Variants in CLCNKA observed in about 807,000 individuals in gnomAD.
The protein encoded by CLCNKA is chloride voltage-gated channel Ka, also known as chloride channel protein ClC-Ka.
Under a neutral mutation model 83.3 loss-of-function variants are expected in CLCNKA, and 66 were observed. The observed-to-expected ratio is 0.79, with a 90% CI of 0.65 to 0.97. The LOEUF (loss-of-function observed/expected upper bound fraction) is 0.97, where lower values mean the gene tolerates loss of function less well. Ranked by LOEUF, CLCNKA falls within the 50% of genes least tolerant of loss-of-function variation. The pLI is 0.00. For synonymous variants in CLCNKA, 357 were observed against 370.4 expected, an observed-to-expected ratio of 0.96 and a Z score of 0.42; for missense variants, 806 against 888.7, an observed-to-expected ratio of 0.91 and a Z score of 1.18.
At chr1:16,026,282 G>T in intron 5 of CLCNKA, 35 bp downstream of exon 5, 1 of 940,258 alleles carries the variant, frequency 1.1e-6, no homozygotes, top group East Asian at 4.9e-5. Flanking sequence ...CAGCCACCCC[G>T]CCCACCCTAC....
chr1:16,030,805 C>A, intron 15 of CLCNKA, 131 bp downstream of exon 15: 2 of 1,285,812 alleles, frequency 1.6e-6, no homozygotes, highest in Admixed American at 1.9e-5. Context: ...GGGGCTGACA[C>A]ACAGCTGTGC....
chr1:16,028,892 T>A, intron 11 of CLCNKA, 47 bp downstream of exon 11: 1 of 1,598,894 alleles, frequency 6.3e-7, no homozygotes, highest in Non-Finnish European at 8.6e-7. Context: ...CCCCCATTTG[T>A]TTTCCCCTTT....
chr1:16,033,137 C>T, intron 18 of CLCNKA, 33 bp from the exon 19 acceptor site: 2 of 1,608,806 alleles, frequency 1.2e-6, no homozygotes, highest in Non-Finnish European at 1.7e-6. Flanking sequence ...GCGCCATCTA[C>T]CCTCCAGTGT....
In CLCNKA at chr1:16,022,733, C is replaced by A. The variant is rs2022186401; in HGVS notation, c.100+14C>A. The A allele has an allele frequency of 6.6e-7, 1 of 1,506,788 alleles. No homozygotes were observed. The highest frequency in any genetic ancestry group is 8.9e-7 in the Non-Finnish European group (1 of 1,120,784). The allele number at this position is 1,506,788 out of a possible 1,614,324, so 93.3% of individuals were successfully genotyped here. A position where few individuals can be genotyped will look rare whatever the true frequency, so the allele number is the denominator to read the frequency against. ...GAGCCATCCAAGGTGAGAGCCAGGT[C>A]CTCTTCCCTACCCGCGGGGGACCAC... On this transcript the variant is annotated intron_variant, in intron 2 of 19. Coordinates refer to ENST00000331433, the MANE Select transcript of CLCNKA (RefSeq NM_004070.4).
chr1:16,029,062 G>A (rs1309605331), intron 11 of CLCNKA, 64 bp from the exon 12 acceptor site: 1 of 1,583,794 alleles, frequency 6.3e-7, no homozygotes, highest in East Asian at 2.2e-5. Flanking sequence ...GGCGGTGCGG[G>A]GGAGGCTGGG....
chr1:16,025,370 G>A (rs919742162), intron 4 of CLCNKA, among the ~76,000 whole-genome samples: 3 of 152,174 alleles, frequency 2.0e-5, no homozygotes, highest in Non-Finnish European at 4.4e-5. Flanking sequence ...AACCTCTGAG[G>A]GTTCTGCGTG....
intron 14 of CLCNKA, 56 bp from the exon 15 acceptor site, chr1:16,030,405 T>A: frequency 6.2e-7 from 1 of 1,600,284 alleles, no homozygotes; most frequent in East Asian, 2.2e-5. Context: ...TTCCCTCACA[T>A]CAGGCTGGCC....
intron 9 of CLCNKA, 56 bp from the exon 10 acceptor site, chr1:16,027,962 A>G (rs2022435974): frequency 3.1e-6 from 5 of 1,613,634 alleles, no homozygotes; most frequent in Non-Finnish European, 4.2e-6. Context: ...CAAGGCCTGG[A>G]CTGCGGCCCC....
Position 16,026,241 on chromosome 1 carries a change from C to T in CLCNKA, c.492C>T (p.Gly164=). The change falls in exon 5 of 20, where the codon GGC becomes GGT. Residue 164 remains glycine (G), a synonymous_variant. Coordinates refer to ENST00000331433, the MANE Select transcript of CLCNKA (RefSeq NM_004070.4). ...CCACCGGCAGCACCCTGTTCCTGGG[C>T]AAAGTGGTATGGTCAGGTGTGAGGG... ...TLATGSTLFL[G]KVGPFVHLSV... 6.2e-7 allele frequency: 1 copy of T among 1,613,852 alleles called. No individual in the cohort carries two copies.
chr1:16,022,507 C>A, intron 1 of CLCNKA, 106 bp from the exon 2 acceptor site: 2 of 779,318 alleles, frequency 2.6e-6, no homozygotes, highest in Non-Finnish European at 4.1e-6. Context: ...CACACACGCA[C>A]AATCCTTCCT....
At chr1:16,029,687 C>T (rs2022532388) in intron 12 of CLCNKA, 44 bp from the exon 13 acceptor site, 4 of 1,610,710 alleles carry the variant, frequency 2.5e-6, no homozygotes, top group African/African-American at 2.7e-5. Flanking sequence ...CCACACCTTG[C>T]CCAGCGGCCT....
rs2022417367 is a variant in CLCNKA, at chr1:16,027,509, G to A, written c.781+74G>A. On this transcript the variant is annotated intron_variant, in intron 8 of 19. Transcript: ENST00000331433. ...GAGGGAGACCTCCCTTCTCCTCTGT[G>A]TACATCTCTTGCTCTTCCCTTCCCT... is the stretch of plus-strand genomic sequence containing the variant. The A allele has an allele frequency of 3.8e-6, 6 of 1,588,950 alleles. 1 individual carries two copies. The South Asian group carries it at 5.6e-5, about 15-fold the overall frequency.
At chr1:16,028,271 G>A in intron 10 of CLCNKA, 152 bp downstream of exon 10, 1 of 745,506 alleles carries the variant, frequency 1.3e-6, no homozygotes, top group South Asian at 1.5e-5. Flanking sequence ...AGTCCCCACA[G>A]TCACTGTCCC....
intron 18 of CLCNKA, among the ~76,000 whole-genome samples, chr1:16,032,910 C>A (rs569766345): frequency 3.3e-5 from 5 of 152,322 alleles, no homozygotes; most frequent in African/African-American, 7.2e-5. Flanking sequence ...TGACAGGGGA[C>A]CTGGAGATGG....
chr1:16,027,629 C>G (rs1036029195), intron 8 of CLCNKA, among the ~76,000 whole-genome samples, 192 bp from the exon 9 acceptor site: 1 of 152,126 alleles, frequency 6.6e-6, no homozygotes, highest in Non-Finnish European at 1.5e-5. Context: ...TGTTGAGGGG[C>G]AAGGGGCCCT....
At chr1:16,033,314 A>T in intron 19 of CLCNKA, 58 bp downstream of exon 19, 5 of 1,560,760 alleles carry the variant, frequency 3.2e-6, no homozygotes, top group African/African-American at 1.4e-5. Context: ...AAGGCTGGGG[A>T]GATGGGGAGG....
In CLCNKA at chr1:16,026,545, G is replaced by T. The variant is rs777785742; in HGVS notation, c.508G>T (p.Val170Leu). The change falls in exon 6 of 20, where the codon GTG becomes TTG. Residue 170 changes from valine (V) to leucine (L), a missense_variant. By Grantham distance (32) the Val-to-Leu change is conservative. Coordinates refer to ENST00000331433, the MANE Select transcript of CLCNKA (RefSeq NM_004070.4). The stretch of plus-strand genomic sequence containing the variant: ...ACCCTTCCCTCTGCAGGGCCCTTTC[G>T]TGCACCTGTCTGTAATGATCGCTGC... ...TLFLGKVGPF[V>L]HLSVMIAAYL... 6.2e-7 allele frequency: 1 copy of T among 1,613,954 alleles called. No individual in the cohort carries two copies. The highest frequency in any genetic ancestry group is 8.5e-7 in the Non-Finnish European group (1 of 1,180,016).
intron 9 of CLCNKA, 27 bp from the exon 10 acceptor site, chr1:16,027,991 C>T (rs1447689119): frequency 6.2e-7 from 1 of 1,613,928 alleles, no homozygotes; most frequent in East Asian, 2.2e-5. Context: ...GGGTCAGGCT[C>T]TGGTCTTACC....
Position 16,028,036 on chromosome 1 carries a change from G to A in CLCNKA, c.885G>A (p.Leu295=). Residue 295 remains leucine, a synonymous_variant, in exon 10 of 20, where the codon CTG becomes CTA. Coordinates refer to ENST00000331433, the MANE Select transcript of CLCNKA (RefSeq NM_004070.4). ...CCCGCAGTGGCATCTGCGGCGTCCTGAGCTGTGCTTACCTCTTCTGTCAGC... is the reference window on the plus strand; with the variant it reads ...CCCGCAGTGGCATCTGCGGCGTCCTAAGCTGTGCTTACCTCTTCTGTCAGC... The part of the protein sequence containing the change: ...FVALGGICGV[L]SCAYLFCQRT... The A allele has an allele frequency of 1.2e-6, 2 of 1,613,838 alleles. No individual in the cohort carries two copies. The highest frequency in any genetic ancestry group is 1.7e-6 in the Non-Finnish European group (2 of 1,179,860).
Sources: allele counts gnomAD v4.1 joint callset (sites outside exome capture counted in the v4.1 genomes callset), GRCh38; gene constraint gnomAD v4.1.1; transcripts MANE v1.5; gene names NCBI Gene and HGNC (gene_info 2026-07-23, HGNC 2026-07-21).